MGAT4C: variants seen among roughly 807,000 people sequenced by gnomAD.
MGAT4C encodes MGAT4 family member C.
In MGAT4C, 19 loss-of-function variants were observed where a neutral mutation model predicts 40.1. The observed-to-expected ratio is 0.47, with a 90% CI of 0.33 to 0.70. MGAT4C has a LOEUF of 0.70. Among genes scored for constraint, MGAT4C ranks in the 30% least tolerant of loss-of-function variants. MGAT4C has a pLI of 0.02. For missense variants in MGAT4C, 491 were observed against 563.2 expected (o/e 0.87, Z 1.30); for synonymous variants, 181 against 187.1 (o/e 0.97, Z 0.27).
chr12:86,110,936 T>C (rs917151195), intron 1 of MGAT4C, among the ~76,000 whole-genome samples: 2 of 151,794 alleles, frequency 1.3e-5, no homozygotes, highest in African/African-American at 4.8e-5. Flanking sequence ...TTTTGTTACA[T>C]TGTATTCTCT....
In MGAT4C at chr12:86,110,982, A is replaced by G. The variant is rs571167537; in HGVS notation, c.-56-61259T>C. On this transcript the variant is annotated intron_variant, in intron 1 of 4. Transcript: ENST00000611864. The stretch of plus-strand genomic sequence containing the variant: ...AAGATGCTAAAGATATTTTTCATGT[A>G]TATGAAATGAATTATTTTTATTTCA... 2.3e-4 allele frequency among the ~76,000 whole-genome samples: 35 copies of G among 151,972 alleles called. No homozygotes were observed. The South Asian group carries it at 7.2e-3, about 31-fold the overall frequency.
chr12:86,507,437 C>G (rs1268872441), intron 2 of MGAT4C, among the ~76,000 whole-genome samples: 1 of 152,036 alleles, frequency 6.6e-6, no homozygotes, highest in African/African-American at 2.4e-5. Context: ...CTTGCTTTGC[C>G]CAGTGGGATA....
intron 2 of MGAT4C, among the ~76,000 whole-genome samples, chr12:86,641,929 T>C (rs985023482): frequency 6.6e-6 from 1 of 151,888 alleles, no homozygotes. Context: ...ATATTACCTG[T>C]TTTTCCTAAG....
intron 2 of MGAT4C, among the ~76,000 whole-genome samples, chr12:86,701,766 T>G (rs1417790627): frequency 6.6e-6 from 1 of 151,982 alleles, no homozygotes; most frequent in African/African-American, 2.4e-5. Flanking sequence ...AGCCAATATG[T>G]GAATAGAAGG....
intron 2 of MGAT4C, among the ~76,000 whole-genome samples, chr12:86,437,347 T>C (rs1253156687): frequency 1.3e-5 from 2 of 151,742 alleles, no homozygotes; most frequent in African/African-American, 4.8e-5. Flanking sequence ...GATTAGATAA[T>C]GAGGTTTGGA....
rs1031626431 is a variant in MGAT4C at position 86,816,802 on chromosome 12, T to C, written c.-262+21864A>G. ...CACTTTTATTTTTGTACCAAACATT[T>C]TGTCTTGATCGAACTAATCAGTGGT... On this transcript the variant is annotated intron_variant, in intron 1 of 7. Coordinates refer to the MGAT4C transcript ENST00000548651. Among the ~76,000 whole-genome samples, 4 of 151,662 alleles carry C rather than the reference T, an allele frequency of 2.6e-5. No homozygotes were observed. The East Asian group carries it at 5.8e-4, about 22-fold the overall frequency.
intron 1 of MGAT4C, among the ~76,000 whole-genome samples, chr12:86,101,910 T>G (rs1052584212): frequency 2.6e-5 from 4 of 151,964 alleles, no homozygotes; most frequent in Non-Finnish European, 4.4e-5. Flanking sequence ...GTTGAAAACC[T>G]CCTACTGAAT....
intron 2 of MGAT4C, among the ~76,000 whole-genome samples, chr12:86,684,466 C>G (rs1206244760): frequency 6.6e-6 from 1 of 152,076 alleles, no homozygotes; most frequent in Non-Finnish European, 1.5e-5. Flanking sequence ...AGTCTTTGCT[C>G]AGGTAAATAG....
At chr12:86,086,389 G>C (rs1213240785) in intron 1 of MGAT4C, among the ~76,000 whole-genome samples, 1 of 151,924 alleles carries the variant, frequency 6.6e-6, no homozygotes, top group African/African-American at 2.4e-5. Context: ...GCCTTTTGCG[G>C]GTGGGGAGCA....
intron 1 of MGAT4C, among the ~76,000 whole-genome samples, chr12:86,757,249 G>A (rs1001585820): frequency 6.6e-6 from 1 of 152,006 alleles, no homozygotes. Flanking sequence ...ATGACATTAG[G>A]AGAAAGACCT....
At chr12:86,386,259 A>G (rs1488784638) in intron 3 of MGAT4C, among the ~76,000 whole-genome samples, 1 of 152,206 alleles carries the variant, frequency 6.6e-6, no homozygotes, top group Non-Finnish European at 1.5e-5. Context: ...AGGCACTGTG[A>G]TAGTTCCAGG....
chr12:86,448,703 A>T (rs896831725), intron 2 of MGAT4C, among the ~76,000 whole-genome samples: 6 of 152,220 alleles, frequency 3.9e-5, no homozygotes, highest in Admixed American at 1.3e-4. Flanking sequence ...TTTTCTTCTA[A>T]GATTGACAAA....
chr12:86,512,224 A>C (rs941237752), intron 2 of MGAT4C, among the ~76,000 whole-genome samples: 13 of 152,122 alleles, frequency 8.5e-5, no homozygotes, highest in African/African-American at 3.1e-4. Context: ...ATGATATATC[A>C]CCTTACACCT....
chr12:86,358,118 A>G (rs1022486264), intron 3 of MGAT4C, among the ~76,000 whole-genome samples: 1 of 152,224 alleles, frequency 6.6e-6, no homozygotes, highest in Non-Finnish European at 1.5e-5. Context: ...CCATCAGATT[A>G]ATAGCTGATC....
At chr12:86,273,234 GC>G (rs1952992283) in intron 4 of MGAT4C, among the ~76,000 whole-genome samples, 1 of 152,140 alleles carries the variant, frequency 6.6e-6, no homozygotes, top group African/African-American at 2.4e-5. Context: ...TTATTTACCA[GC>G]TGTGTGATCT....
At chr12:86,042,140 T>G (rs1207037582) in intron 2 of MGAT4C, among the ~76,000 whole-genome samples, 1 of 152,244 alleles carries the variant, frequency 6.6e-6, no homozygotes, top group African/African-American at 2.4e-5. Flanking sequence ...AATGCCTGCT[T>G]TTTTGTTTTC....
intron 2 of MGAT4C, among the ~76,000 whole-genome samples, chr12:86,021,766 A>G (rs1437765496): frequency 6.6e-6 from 1 of 152,202 alleles, no homozygotes. Context: ...AATACATAAG[A>G]TGATTATTTT....
At chr12:86,664,618 T>C (rs1348601762) in intron 2 of MGAT4C, among the ~76,000 whole-genome samples, 2 of 152,082 alleles carry the variant, frequency 1.3e-5, no homozygotes, top group Non-Finnish European at 1.5e-5. Flanking sequence ...AAAAATTTGA[T>C]TTCCAGACGT....
intron 3 of MGAT4C, among the ~76,000 whole-genome samples, chr12:85,986,719 G>A (rs1385400498): frequency 6.6e-6 from 1 of 152,050 alleles, no homozygotes; most frequent in East Asian, 1.9e-4. Flanking sequence ...GTAGCAAATT[G>A]CATACATTGT....
Sources: gnomAD v4.1 joint callset for allele counts (sites outside exome capture counted in the v4.1 genomes callset) on GRCh38, gnomAD v4.1.1 for gene constraint, MANE v1.5 for transcripts, NCBI Gene and HGNC (gene_info 2026-07-23, HGNC 2026-07-21) for gene names.